Variants in C2orf76 observed in about 807,000 individuals in gnomAD.
C2orf76 encodes chromosome 2 open reading frame 76.
C2orf76 carries 23 observed loss-of-function variants against 16.9 expected under a neutral mutation model. That is an observed-to-expected ratio of 1.36 (90% confidence interval 0.98 to 1.93). The LOEUF is 1.93. Among genes scored for constraint, C2orf76 ranks in the 30% most tolerant of loss-of-function variants. The pLI is 0.00. For missense variants in C2orf76, 152 were observed against 152.6 expected (o/e 1.00, Z 0.02); for synonymous variants, 48 against 52.3 (o/e 0.92, Z 0.35).
intron 3 of C2orf76, among the ~76,000 whole-genome samples, chr2:119,319,789 C>A (rs1243397970): frequency 6.6e-6 from 1 of 151,810 alleles, no homozygotes; most frequent in Non-Finnish European, 1.5e-5. Flanking sequence ...AAATCTGACT[C>A]CACACTCTTT....
At chr2:119,307,837 CACA>C (rs1271925444) in intron 5 of C2orf76, among the ~76,000 whole-genome samples, 3 of 152,160 alleles carry the variant, frequency 2.0e-5, no homozygotes, top group African/African-American at 7.2e-5. Flanking sequence ...TGAAATTAAT[CACA>C]ACAAGACCAA....
intron 1 of C2orf76, among the ~76,000 whole-genome samples, chr2:119,365,549 C>T (rs1680920077): frequency 6.6e-6 from 1 of 152,202 alleles, no homozygotes; most frequent in Admixed American, 6.5e-5. Flanking sequence ...AAAGCGTCTA[C>T]CTTCCCTGGG....
At chr2:119,321,513 C>G (rs891766244) in intron 2 of C2orf76, among the ~76,000 whole-genome samples, 2 of 152,130 alleles carry the variant, frequency 1.3e-5, no homozygotes, top group African/African-American at 4.8e-5. Flanking sequence ...GCAAGAGGGT[C>G]TGTGCATGGG....
At chr2:119,334,040 A>C (rs910678719) in intron 2 of C2orf76, among the ~76,000 whole-genome samples, 1 of 151,416 alleles carries the variant, frequency 6.6e-6, no homozygotes, top group African/African-American at 2.4e-5. Context: ...TGATTTTCCT[A>C]CCTCCACCTT....
the C2orf76 span, among the ~76,000 whole-genome samples, chr2:119,281,707 A>G: frequency 6.6e-6 from 1 of 152,188 alleles, no homozygotes; most frequent in African/African-American, 2.4e-5. Context: ...CTCAAAATAA[A>G]TAAAAACAAA....
intron 1 of C2orf76, among the ~76,000 whole-genome samples, chr2:119,362,875 T>C (rs1680788190): frequency 6.6e-6 from 1 of 152,152 alleles, no homozygotes; most frequent in African/African-American, 2.4e-5. Context: ...CACACCTGTT[T>C]ACTCTTCTCT....
chr2:119,301,705 T>C (rs1678625097), downstream of C2orf76, among the ~76,000 whole-genome samples: 2 of 152,086 alleles, frequency 1.3e-5, no homozygotes, highest in Non-Finnish European at 2.9e-5. Flanking sequence ...GAACCACAAG[T>C]ATTATATTAT....
intron 3 of C2orf76, among the ~76,000 whole-genome samples, chr2:119,318,537 T>G (rs1376226802): frequency 6.6e-6 from 1 of 151,956 alleles, no homozygotes; most frequent in African/African-American, 2.4e-5. Context: ...TTGCAATTTT[T>G]TTTTTTTTTT....
intron 2 of C2orf76, among the ~76,000 whole-genome samples, chr2:119,321,700 T>C (rs1432920203): frequency 1.3e-5 from 2 of 152,182 alleles, no homozygotes; most frequent in Non-Finnish European, 2.9e-5. Context: ...GGCCAAAGCA[T>C]ATCACCATCT....
the C2orf76 span, among the ~76,000 whole-genome samples, chr2:119,284,818 G>T: frequency 6.6e-6 from 1 of 151,534 alleles, no homozygotes; most frequent in Non-Finnish European, 1.5e-5. Context: ...TGATAATTTT[G>T]TAAACGATTT....
At chr2:119,311,466 T>A in intron 5 of C2orf76, 156 bp downstream of exon 5, 1 of 985,368 alleles carries the variant, frequency 1.0e-6, no homozygotes, top group Non-Finnish European at 1.2e-6. Context: ...GGAATGCACA[T>A]CATTCTCATC....
At chr2:119,294,903 G>A in the C2orf76 span, among the ~76,000 whole-genome samples, 1 of 152,162 alleles carries the variant, frequency 6.6e-6, no homozygotes, top group African/African-American at 2.4e-5. Context: ...GGCAGAGATT[G>A]ATGAGAAGGC....
chr2:119,362,872 G>A (rs1379610720), intron 1 of C2orf76, among the ~76,000 whole-genome samples: 3 of 152,118 alleles, frequency 2.0e-5, no homozygotes, highest in African/African-American at 7.2e-5. Context: ...TGCCACACCT[G>A]TTTACTCTTC....
At chr2:119,365,333 G>C (rs1680904614) in intron 1 of C2orf76, among the ~76,000 whole-genome samples, 1 of 152,172 alleles carries the variant, frequency 6.6e-6, no homozygotes, top group East Asian at 1.9e-4. Flanking sequence ...TCTGAATTGT[G>C]ATTTTCGAAG....
chr2:119,340,596 T>A (rs1679994508), intron 1 of C2orf76, among the ~76,000 whole-genome samples: 1 of 152,144 alleles, frequency 6.6e-6, no homozygotes, highest in African/African-American at 2.4e-5. Context: ...CATGAAGCAT[T>A]TTGCCTCATG....
At chr2:119,321,474 G>A (rs528574635) in intron 2 of C2orf76, among the ~76,000 whole-genome samples, 8 of 152,230 alleles carry the variant, frequency 5.3e-5, no homozygotes, top group East Asian at 1.9e-4. Flanking sequence ...GGTGAAAGAG[G>A]AGCAAAGGCA....
the C2orf76 span, among the ~76,000 whole-genome samples, chr2:119,291,067 G>T: frequency 6.6e-6 from 1 of 151,968 alleles, no homozygotes; most frequent in African/African-American, 2.4e-5. Context: ...CCACCTGGTG[G>T]CTGAAGGGTA....
At chr2:119,288,064 C>T in the C2orf76 span, among the ~76,000 whole-genome samples, 1 of 150,466 alleles carries the variant, frequency 6.6e-6, no homozygotes, top group East Asian at 2.0e-4. Context: ...GCATGTTCTG[C>T]ATCTTGACTT....
At position 119,366,785 on chromosome 2, in the gene C2orf76, C is replaced by G. The variant is rs1027416766; in HGVS notation, c.-13+5G>C. On this transcript the variant is annotated splice_donor_5th_base_variant and intron_variant, in intron 1 of 5. Transcript: ENST00000334816. ...AACTAAGCACCCTACTTCCGTTGTC[C>G]CCACCTGTTCCCGGCGTCCCCTTCG... The G allele has an allele frequency of 1.7e-6, 1 of 573,452 alleles. No individual in the cohort carries two copies. Among genetic ancestry groups the G allele is most frequent in the Admixed American group, 3.4e-5 (1 of 29,774 alleles). The allele number at this position is 573,452 out of a possible 1,614,324, so 35.5% of individuals were successfully genotyped here.
Sources: allele counts gnomAD v4.1 joint callset (sites outside exome capture counted in the v4.1 genomes callset), GRCh38; gene constraint gnomAD v4.1.1; transcripts MANE v1.5; gene names NCBI Gene and HGNC (gene_info 2026-07-23, HGNC 2026-07-21).